WWOX: variants seen among roughly 807,000 people sequenced by gnomAD.
WWOX encodes WW domain-containing oxidoreductase.
WWOX carries 69 observed loss-of-function variants against 46.2 expected under a neutral mutation model. That is an observed-to-expected ratio of 1.49 (90% CI 1.23 to 1.82). The LOEUF (loss-of-function observed/expected upper bound fraction) is 1.82. Ranked by LOEUF, WWOX falls within the 40% of genes most tolerant of loss-of-function variation. The pLI is 0.00. For missense variants in WWOX, 919 were observed against 542.6 expected (o/e 1.69, Z -6.89); for synonymous variants, 359 against 202.6 (o/e 1.77, Z -6.56).
intron 8 of WWOX, among the ~76,000 whole-genome samples, chr16:79,022,367 G>C (rs1290566325): frequency 9.9e-6 from 1 of 100,534 alleles, no homozygotes; most frequent in Non-Finnish European, 2.0e-5. Context: ...AAAAAAAAAA[G>C]TCCCGCTTGT....
rs547665045 is a variant in WWOX, at chr16:78,658,447, A to G, written c.1056+225695A>G. Reference sequence around the variant, plus strand: ...CCCAGGGCTTCCTTGAAAACGTGCCATAGACTAGATAGCTTGAAACAACAG... The same window carrying G: ...CCCAGGGCTTCCTTGAAAACGTGCCGTAGACTAGATAGCTTGAAACAACAG... On this transcript the variant is annotated intron_variant, in intron 8 of 8. Transcript: ENST00000566780. Among the ~76,000 whole-genome samples, 19 of 152,294 alleles carry G rather than the reference A, an allele frequency of 1.2e-4. No individual in the cohort carries two copies. The East Asian group carries it at 2.7e-3, about 22-fold the overall frequency.
At chr16:79,133,247 T>C (rs2049917208) in intron 8 of WWOX, among the ~76,000 whole-genome samples, 1 of 152,234 alleles carries the variant, frequency 6.6e-6, no homozygotes, top group Non-Finnish European at 1.5e-5. Context: ...CCTCCTGCCC[T>C]TCATCTTCTG....
chr16:79,195,587 A>T (rs1311095166), intron 8 of WWOX, among the ~76,000 whole-genome samples: 1 of 152,198 alleles, frequency 6.6e-6, no homozygotes, highest in Non-Finnish European at 1.5e-5. Flanking sequence ...CTCTGAAGCC[A>T]TGCCTCTCTA....
At position 79,211,736 on chromosome 16, in the gene WWOX, G is replaced by C. The variant is rs1296581246; in HGVS notation, c.1185G>C (p.Arg395=). ...SPEAQSEETA[R]TLWALSERLI... ...AAGCTCAGAGCGAAGAGACGGCCCGGACCCTGTGGGCGCTCAGCGAGAGGC... is the reference window on the plus strand; with the variant it reads ...AAGCTCAGAGCGAAGAGACGGCCCGCACCCTGTGGGCGCTCAGCGAGAGGC... Residue 395 remains arginine, a synonymous_variant, in exon 9 of 9, where the codon CGG becomes CGC. Transcript: ENST00000566780. 1 of 1,614,220 alleles carries C rather than the reference G, an allele frequency of 6.2e-7. No individual in the cohort carries two copies. Among genetic ancestry groups the C allele is most frequent in the African/African-American group, 1.3e-5 (1 of 75,062 alleles).
chr16:79,027,643 G>T (rs2047672800), intron 8 of WWOX, among the ~76,000 whole-genome samples: 1 of 151,884 alleles, frequency 6.6e-6, no homozygotes, highest in Non-Finnish European at 1.5e-5. Context: ...TTCGGTCATT[G>T]TTATAAGCCA....
intron 8 of WWOX, among the ~76,000 whole-genome samples, chr16:78,635,184 T>C (rs2046538129): frequency 6.6e-6 from 1 of 152,226 alleles, no homozygotes; most frequent in African/African-American, 2.4e-5. Context: ...AAAGGCTTCC[T>C]GACTCAGGAT....
intron 8 of WWOX, among the ~76,000 whole-genome samples, chr16:78,847,162 C>T (rs200588936): frequency 6.0e-4 from 91 of 152,196 alleles, no homozygotes; most frequent in Non-Finnish European, 1.2e-3. Flanking sequence ...AGGCTTGGTT[C>T]GTTTTATTAT....
chr16:78,853,945 C>T, intron 8 of WWOX, among the ~76,000 whole-genome samples: 1 of 152,028 alleles, frequency 6.6e-6, no homozygotes, highest in East Asian at 1.9e-4. Context: ...CAAACATATG[C>T]CTTTTTATTT....
At chr16:78,331,136 T>C (rs2080746741) in intron 5 of WWOX, among the ~76,000 whole-genome samples, 2 of 152,170 alleles carry the variant, frequency 1.3e-5, no homozygotes, top group South Asian at 4.1e-4. Context: ...CCTGAATATG[T>C]TCGATTGAGG....
At chr16:78,256,648 G>A (rs920603742) in intron 5 of WWOX, among the ~76,000 whole-genome samples, 4 of 152,004 alleles carry the variant, frequency 2.6e-5, no homozygotes, top group Non-Finnish European at 4.4e-5. Flanking sequence ...AAATAAGGTG[G>A]TTGAAGGATT....
chr16:79,140,586 T>G (rs1439516604), intron 8 of WWOX, among the ~76,000 whole-genome samples: 2 of 152,198 alleles, frequency 1.3e-5, no homozygotes, highest in Non-Finnish European at 2.9e-5. Flanking sequence ...ATTGACCGCA[T>G]GAAGGGTGGG....
At chr16:78,828,047 T>A (rs2051711829) in intron 8 of WWOX, among the ~76,000 whole-genome samples, 1 of 152,144 alleles carries the variant, frequency 6.6e-6, no homozygotes, top group Non-Finnish European at 1.5e-5. Context: ...GCTGCAGGCA[T>A]TGGCAACTGG....
intron 5 of WWOX, among the ~76,000 whole-genome samples, chr16:78,328,830 CTT>C (rs770633046): frequency 2.1e-5 from 1 of 47,566 alleles, no homozygotes; most frequent in Non-Finnish European, 3.4e-5. Context: ...ATGTGTTTTT[CTT>C]TTTTCTTTTC....
At chr16:78,520,690 G>A (rs565147593) in intron 8 of WWOX, among the ~76,000 whole-genome samples, 6 of 152,140 alleles carry the variant, frequency 3.9e-5, no homozygotes, top group Non-Finnish European at 2.9e-5. Flanking sequence ...TCTAGGGTAC[G>A]TGGGGAGAGC....
chr16:78,104,946 A>C (rs1266109013), intron 1 of WWOX, among the ~76,000 whole-genome samples: 1 of 152,216 alleles, frequency 6.6e-6, no homozygotes, highest in Admixed American at 6.5e-5. Flanking sequence ...AGTGGCTGGC[A>C]AATGGGAGAC....
At chr16:78,375,229 A>G (rs1191734247) in intron 5 of WWOX, among the ~76,000 whole-genome samples, 2 of 152,244 alleles carry the variant, frequency 1.3e-5, no homozygotes, top group Non-Finnish European at 2.9e-5. Flanking sequence ...TTACACGTTT[A>G]CTGCATATTC....
chr16:79,173,287 A>ATGTGCCG (rs932725641), intron 8 of WWOX, among the ~76,000 whole-genome samples: 2 of 151,596 alleles, frequency 1.3e-5, no homozygotes, highest in Non-Finnish European at 2.9e-5. Flanking sequence ...CTGCATGTCC[A>ATGTGCCG]TGTGCCATGT....
chr16:79,117,129 A>C (rs1597389742), intron 8 of WWOX, among the ~76,000 whole-genome samples: 1 of 152,040 alleles, frequency 6.6e-6, no homozygotes, highest in Non-Finnish European at 1.5e-5. Context: ...CTCCTACTCC[A>C]GCCTTCCCAG....
intron 8 of WWOX, among the ~76,000 whole-genome samples, chr16:78,663,775 C>G (rs534105614): frequency 1.8e-3 from 278 of 152,232 alleles, no homozygotes; most frequent in African/African-American, 6.5e-3. Context: ...GAACTACACC[C>G]TGAATGAAGA....
Sources: allele counts gnomAD v4.1 joint callset (sites outside exome capture counted in the v4.1 genomes callset), GRCh38; gene constraint gnomAD v4.1.1; transcripts MANE v1.5; gene names NCBI Gene and HGNC (gene_info 2026-07-23, HGNC 2026-07-21).